FRMPD4: variants seen among roughly 807,000 people sequenced by gnomAD.
FRMPD4 encodes the protein FERM and PDZ domain containing 4, also known as FERM and PDZ domain-containing protein 4.
In FRMPD4, 22 loss-of-function variants were observed where a neutral mutation model predicts 94.1. The ratio of observed to expected loss-of-function variants is 0.23; its 90% CI spans 0.17 to 0.33. The LOEUF (loss-of-function observed/expected upper bound fraction) is 0.33. Among genes scored for constraint, FRMPD4 ranks in the 10% least tolerant of loss-of-function variants. The probability of loss-of-function intolerance (pLI) is 1.00; values close to 1 mark genes in which losing one functional copy is unlikely to be tolerated. For missense variants in FRMPD4, 1,111 were observed against 1,339.9 expected (o/e 0.83, Z 2.67); for synonymous variants, 631 against 548.6 (o/e 1.15, Z -2.10).
At chrX:11,931,971 G>A (rs760053408) in intron 3 of FRMPD4, among the ~76,000 whole-genome samples, 1 of 111,838 alleles carries the variant, frequency 8.9e-6, no homozygotes, top group Non-Finnish European at 1.9e-5. Context: ...ACTTGCCCAG[G>A]GATATTGTTT....
At chrX:12,712,259 G>C (rs1429765738) in intron 14 of FRMPD4, among the ~76,000 whole-genome samples, 1 of 110,644 alleles carries the variant, frequency 9.0e-6, no homozygotes, top group Non-Finnish European at 1.9e-5. Context: ...CAGAATGAAA[G>C]AGATAGAAGC....
At chrX:12,160,067 G>GA (rs2055998540) in intron 1 of FRMPD4, among the ~76,000 whole-genome samples, 1 of 85,624 alleles carries the variant, frequency 1.2e-5, no homozygotes, top group African/African-American at 4.9e-5. Context: ...AGATGTTGAG[G>GA]GGTGTGTGTG....
intron 1 of FRMPD4, among the ~76,000 whole-genome samples, chrX:12,249,024 A>G (rs2053995436): frequency 8.9e-6 from 1 of 112,905 alleles, no homozygotes; most frequent in African/African-American, 3.2e-5. Context: ...GGGCGATAGA[A>G]TGAGACTCCG....
rs752586467 is a variant in FRMPD4, at chrX:12,707,636, C to G, written c.1455C>G (p.His485Gln). 8.3e-7 allele frequency: 1 copy of G among 1,202,676 alleles called. No individual in the cohort carries two copies. The highest frequency in any genetic ancestry group is 1.7e-5 in the African/African-American group (1 of 57,678). The change falls in exon 13 of 17, where the codon CAC (histidine) becomes CAG (glutamine). Residue 485 changes from histidine (H) to glutamine (Q), a missense_variant. This residue lies in a region of FRMPD4 where 111 missense variants were observed against 160.7 expected (regional missense o/e 0.69). Coordinates refer to ENST00000675598, the MANE Select transcript of FRMPD4 (RefSeq NM_001368397.1). The stretch of plus-strand genomic sequence containing the variant: ...AGAGCTTGGTGCGGGTAGAACTCCA[C>G]GTGCTAGATGTGAAGGCAAGTTTCT... ...EEESLVRVELHVLDVKPITLL... is the reference protein window; with the variant it reads ...EEESLVRVELQVLDVKPITLL...
At chrX:12,537,190 C>T (rs759388904) in intron 2 of FRMPD4, among the ~76,000 whole-genome samples, 168 of 111,356 alleles carry the variant, frequency 1.5e-3, no homozygotes, top group Non-Finnish European at 2.5e-3. Context: ...TCTAAAGCAG[C>T]TTTATTCACA....
At chrX:12,715,011 T>C (rs1287668699) in intron 14 of FRMPD4, among the ~76,000 whole-genome samples, 1 of 112,275 alleles carries the variant, frequency 8.9e-6, no homozygotes, top group Non-Finnish European at 1.9e-5. Context: ...AAACTGCACT[T>C]TTTTCCCATA....
At chrX:12,648,571 C>T (rs777402260) in intron 4 of FRMPD4, among the ~76,000 whole-genome samples, 2 of 112,127 alleles carry the variant, frequency 1.8e-5, no homozygotes, top group African/African-American at 3.2e-5. Context: ...ATTACTTGGC[C>T]TTTCAATGCC....
At chrX:12,265,316 GT>G (rs2054255381) in intron 1 of FRMPD4, among the ~76,000 whole-genome samples, 1 of 112,403 alleles carries the variant, frequency 8.9e-6, no homozygotes, top group Admixed American at 9.4e-5. Flanking sequence ...TCATTCAACA[GT>G]GAAGATTTTT....
chrX:12,175,004 A>G (rs1411940022), intron 1 of FRMPD4, among the ~76,000 whole-genome samples: 2 of 112,334 alleles, frequency 1.8e-5, no homozygotes, highest in East Asian at 2.8e-4. Flanking sequence ...CTTGATTTTG[A>G]TAGTTGCATG....
intron 3 of FRMPD4, among the ~76,000 whole-genome samples, chrX:11,996,871 C>G (rs1444902465): frequency 9.0e-6 from 1 of 111,720 alleles, no homozygotes; most frequent in Non-Finnish European, 1.9e-5. Context: ...TATACAAAAT[C>G]AGTGCTTAAT....
intron 1 of FRMPD4, among the ~76,000 whole-genome samples, chrX:12,285,184 A>G (rs2054582913): frequency 8.9e-6 from 1 of 112,054 alleles, no homozygotes; most frequent in Middle Eastern, 4.2e-3. Context: ...AGTCCTTCCT[A>G]GGTGATGGAG....
chrX:12,016,688 G>A (rs1357395752), intron 3 of FRMPD4, among the ~76,000 whole-genome samples: 3 of 112,130 alleles, frequency 2.7e-5, no homozygotes, highest in Non-Finnish European at 1.9e-5. Context: ...AGAGTACATT[G>A]CCAACAAATG....
At chrX:12,208,381 G>C (rs1040729261) in intron 1 of FRMPD4, among the ~76,000 whole-genome samples, 1 of 110,054 alleles carries the variant, frequency 9.1e-6, no homozygotes, top group Non-Finnish European at 1.9e-5. Flanking sequence ...CTACTATAAT[G>C]TGTTTGAAGG....
At chrX:12,320,792 A>C (rs2055196856) in intron 1 of FRMPD4, among the ~76,000 whole-genome samples, 1 of 111,818 alleles carries the variant, frequency 8.9e-6, no homozygotes, top group Non-Finnish European at 1.9e-5. Context: ...TAGCCAGAAG[A>C]CAAGGAAAAC....
chrX:12,428,779 A>G (rs748943089), intron 1 of FRMPD4, among the ~76,000 whole-genome samples: 4 of 104,903 alleles, frequency 3.8e-5, no homozygotes, highest in Non-Finnish European at 6.0e-5. Flanking sequence ...GATTTCTTTC[A>G]TTTTTTTTCT....
chrX:12,417,601 G>C lies in FRMPD4; in HGVS notation c.42-81079G>C, dbSNP rs1458768820. 7.0e-5 allele frequency among the ~76,000 whole-genome samples: 7 copies of C among 99,485 alleles called. No individual in the cohort carries two copies. The South Asian group carries it at 3.2e-3, about 46-fold the overall frequency. The allele number at this position is 99,485 out of a possible 115,157, so 86.4% of individuals were successfully genotyped here. A position where few individuals can be genotyped will look rare whatever the true frequency, so the allele number is the denominator to read the frequency against. On this transcript the variant is annotated intron_variant, in intron 1 of 16. Transcript: ENST00000675598. ...TCTCAAAAAAAAAAAAAAAAAATTA[G>C]TTTAAAAATTTGATAACTTTATTAT...
intron 11 of FRMPD4, among the ~76,000 whole-genome samples, chrX:12,706,338 T>A (rs1261063611): frequency 8.9e-6 from 1 of 111,758 alleles, no homozygotes; most frequent in Non-Finnish European, 1.9e-5. Flanking sequence ...AGAGGGGAAG[T>A]GTAAAGGGCC....
chrX:12,458,237 A>C (rs1246517893), intron 1 of FRMPD4, among the ~76,000 whole-genome samples: 1 of 111,933 alleles, frequency 8.9e-6, no homozygotes, highest in Non-Finnish European at 1.9e-5. Flanking sequence ...AGATGGAGAA[A>C]GGATAGCAAG....
intron 1 of FRMPD4, among the ~76,000 whole-genome samples, chrX:12,278,114 G>A (rs2054469309): frequency 8.9e-6 from 1 of 112,272 alleles, no homozygotes. Context: ...TCAAGTCCAC[G>A]GCTATTCTTT....
Sources: allele counts gnomAD v4.1 joint callset (sites outside exome capture counted in the v4.1 genomes callset), GRCh38; gene constraint gnomAD v4.1.1; regional missense constraint gnomAD v4.1.1; transcripts MANE v1.5; gene names NCBI Gene and HGNC (gene_info 2026-07-23, HGNC 2026-07-21).